Variants in DBN1 observed in about 807,000 individuals in gnomAD.
DBN1 encodes drebrin 1, also known as drebrin.
Under a neutral mutation model 83.5 loss-of-function variants are expected in DBN1, and 21 were observed. That is an observed-to-expected ratio of 0.25 (90% CI 0.18 to 0.36). The LOEUF (loss-of-function observed/expected upper bound fraction) is 0.36. Among genes scored for constraint, DBN1 ranks in the 10% least tolerant of loss-of-function variants. The pLI, the probability that DBN1 is intolerant of heterozygous loss-of-function variation, is 1.00. For synonymous variants in DBN1, 381 were observed against 384.9 expected (o/e 0.99, Z 0.12); for missense variants, 874 against 935.7 (o/e 0.93, Z 0.86).
intron 8 of DBN1, among the ~76,000 whole-genome samples, chr5:177,465,198 A>G (rs1399202325): frequency 6.6e-6 from 1 of 152,236 alleles, no homozygotes; most frequent in African/African-American, 2.4e-5. Flanking sequence ...CTCACTCTGA[A>G]AGGATAAATA....
rs1448580325 is a variant in DBN1 at position 177,467,991 on chromosome 5, C to A, written c.255+117G>T. ...CAGTTCCCTTCCCCAGCCCCGGCCG[C>A]ATACCCAGTTGATGAGCAGCTCTGG... On this transcript the variant is annotated intron_variant, in intron 3 of 14. Transcript: ENST00000393565. The surrounding 1 kb of genome is among the most constrained non-coding windows in gnomAD (Gnocchi z 9.1). 1.9e-6 allele frequency: 2 copies of A among 1,048,750 alleles called. No individual in the cohort carries two copies. The highest frequency in any genetic ancestry group is 3.2e-5 in the African/African-American group (2 of 62,094). The allele number at this position is 1,048,750 out of a possible 1,614,324, so 65.0% of individuals were successfully genotyped here. A position where few individuals can be genotyped will look rare whatever the true frequency, so the allele number is the denominator to read the frequency against.
At chr5:177,461,302 T>G (rs1757025094) in intron 8 of DBN1, among the ~76,000 whole-genome samples, 2 of 151,188 alleles carry the variant, frequency 1.3e-5, no homozygotes, top group South Asian at 2.1e-4. Context: ...GTTTCACCGT[T>G]TTAGCCGGGA....
Position 177,456,693 on chromosome 5 carries a change from A to C in DBN1, c.*740T>G, listed in dbSNP as rs906889281. On this transcript the variant is annotated 3_prime_UTR_variant, in exon 15 of 15. Transcript: ENST00000393565. ...CTTTCCAAAAAAAAAAAAAAAAAAA[A>C]AAAAAAAACAGTTACTAAACGTGAA... The C allele has an allele frequency of 6.9e-6, 1 of 144,662 alleles. No homozygotes were observed. The highest frequency in any genetic ancestry group is 2.9e-5 in the African/African-American group (1 of 34,632). 9.0% of individuals were successfully genotyped at this position (144,662 alleles called of 1,614,324 possible).
intron 11 of DBN1, 135 bp from the exon 12 acceptor site, chr5:177,459,403 G>T: frequency 7.0e-7 from 1 of 1,437,742 alleles, no homozygotes. Flanking sequence ...CCCACCAGGG[G>T]CCAGACTACA....
Position 177,473,433 on chromosome 5 carries a change from C to A in DBN1, c.86+3G>T. The A allele has an allele frequency of 1.4e-6, 2 of 1,416,982 alleles. No homozygotes were observed. Among genetic ancestry groups the A allele is most frequent in the East Asian group, 3.0e-5 (1 of 33,102 alleles). 87.8% of individuals were successfully genotyped at this position (1,416,982 alleles called of 1,614,324 possible). On this transcript the variant is annotated splice_donor_region_variant and intron_variant, in intron 1 of 14. Transcript: ENST00000393565. ...GGGCCGGGGGCGGGGGCGGGGGGCT[C>A]ACCAGTCGGCCGCGCTCTCCTCTCG...
chr5:177,460,317 T>A, intron 10 of DBN1, 115 bp downstream of exon 10: 2 of 1,478,092 alleles, frequency 1.4e-6, no homozygotes, highest in African/African-American at 2.8e-5. Context: ...GGATGAAGGG[T>A]CTCGCCTTCT....
At chr5:177,472,929 C>G in intron 1 of DBN1, 1 of 723,918 alleles carries the variant, frequency 1.4e-6, no homozygotes, top group Non-Finnish European at 1.7e-6. Flanking sequence ...CGGCCCCCAG[C>G]CCGCTCCGCT....
In DBN1 at chr5:177,470,320, G is replaced by A. The variant is rs181978053; in HGVS notation, c.87-1421C>T. On this transcript the variant is annotated intron_variant, in intron 1 of 14. Coordinates refer to ENST00000393565, the MANE Select transcript of DBN1 (RefSeq NM_001363541.2). ...GCTCTGTCTCTCTCCATGCACTGAT[G>A]AGAAACTAATGCAGAGCCCAGGGAC... Among the ~76,000 whole-genome samples the A allele has an allele frequency of 3.1e-3, 469 of 152,306 alleles. 3 individuals carry two copies. Among genetic ancestry groups the A allele is most frequent in the African/African-American group, 0.01 (433 of 41,560 alleles).
chr5:177,460,854 A>C (rs1488137073), intron 8 of DBN1, 151 bp from the exon 9 acceptor site: 1 of 748,892 alleles, frequency 1.3e-6, no homozygotes, highest in Non-Finnish European at 2.2e-6. Context: ...ATCACGGCTC[A>C]CTGCAGCCTC....
At chr5:177,462,683 C>T (rs574571664) in intron 8 of DBN1, among the ~76,000 whole-genome samples, 1 of 152,280 alleles carries the variant, frequency 6.6e-6, no homozygotes, top group East Asian at 1.9e-4. Context: ...GGAGGGGCTG[C>T]TAAGGTGGTG....
At chr5:177,458,947 C>G (rs1387414591) in intron 12 of DBN1, 151 bp downstream of exon 12, 6 of 1,371,328 alleles carry the variant, frequency 4.4e-6, no homozygotes, top group Non-Finnish European at 4.8e-6. Flanking sequence ...GACTGTACAC[C>G]AGGGCTCCTC....
chr5:177,458,740 C>A, intron 12 of DBN1, 33 bp from the exon 13 acceptor site: 1 of 1,463,394 alleles, frequency 6.8e-7, no homozygotes, highest in Non-Finnish European at 9.0e-7. Context: ...GATATGTAAC[C>A]GGCTCCCCTC....
chr5:177,473,376 A>G, intron 1 of DBN1, 60 bp downstream of exon 1: 1 of 1,020,052 alleles, frequency 9.8e-7, no homozygotes, highest in Non-Finnish European at 1.3e-6. Context: ...GCGGGAGAGA[A>G]ACAAAGGCGC....
At chr5:177,463,737 T>C (rs752690645) in intron 8 of DBN1, among the ~76,000 whole-genome samples, 20 of 152,246 alleles carry the variant, frequency 1.3e-4, no homozygotes, top group Non-Finnish European at 2.5e-4. Context: ...CTTCAGACTT[T>C]ACCTGAAATG....
At chr5:177,464,232 G>A (rs900738174) in intron 8 of DBN1, among the ~76,000 whole-genome samples, 1 of 151,816 alleles carries the variant, frequency 6.6e-6, no homozygotes, top group African/African-American at 2.4e-5. Context: ...TGGATCACGA[G>A]GTCAGGAGTT....
intron 8 of DBN1, among the ~76,000 whole-genome samples, chr5:177,461,090 CCTT>C (rs1357549862): frequency 1.2e-3 from 147 of 123,830 alleles, no homozygotes; most frequent in African/African-American, 3.8e-3. Context: ...GGCCTTCTGG[CCTT>C]CTTTTTTTTT....
At chr5:177,472,192 G>C (rs1315480489) in intron 1 of DBN1, 23 of 1,613,700 alleles carry the variant, frequency 1.4e-5, no homozygotes, top group Non-Finnish European at 1.8e-5. Flanking sequence ...GCAGTACCAT[G>C]CCATGGATGC....
Position 177,456,841 on chromosome 5 carries a change from G to A in DBN1, c.*592C>T, listed in dbSNP as rs574436044. ...ACCTGGGACCTGCCCGGCAGGAGACGGGGGGTAGCCGAGGGGCCCCAGCTG... is the reference window on the plus strand; with the variant it reads ...ACCTGGGACCTGCCCGGCAGGAGACAGGGGGTAGCCGAGGGGCCCCAGCTG... On this transcript the variant is annotated 3_prime_UTR_variant, in exon 15 of 15. Coordinates refer to ENST00000393565, the MANE Select transcript of DBN1 (RefSeq NM_001363541.2). The A allele has an allele frequency of 2.0e-5, 3 of 153,322 alleles. No homozygotes were observed. The highest frequency in any genetic ancestry group is 4.4e-5 in the Non-Finnish European group (3 of 68,410). The allele number at this position is 153,322 out of a possible 1,614,324, so 9.5% of individuals were successfully genotyped here.
chr5:177,464,157 A>G (rs1757241882), intron 8 of DBN1, among the ~76,000 whole-genome samples: 1 of 150,444 alleles, frequency 6.6e-6, no homozygotes, highest in South Asian at 2.1e-4. Context: ...AAATAAATAA[A>G]CTTTATCAGG....
Sources: allele counts gnomAD v4.1 joint callset (sites outside exome capture counted in the v4.1 genomes callset), GRCh38; gene constraint gnomAD v4.1.1; non-coding constraint Gnocchi (gnomAD v3.1); transcripts MANE v1.5; gene names NCBI Gene and HGNC (gene_info 2026-07-23, HGNC 2026-07-21).